RALGPS2: variants seen among roughly 807,000 people sequenced by gnomAD.
The protein encoded by RALGPS2 is ras-specific guanine nucleotide-releasing factor RalGPS2.
A neutral mutation model predicts 86.8 loss-of-function variants in RALGPS2; 43 were observed. That is an observed-to-expected ratio of 0.50 (90% CI 0.39 to 0.64). The LOEUF (loss-of-function observed/expected upper bound fraction) is 0.64. Among genes scored for constraint, RALGPS2 ranks in the 30% least tolerant of loss-of-function variants. The pLI is 0.00. For synonymous variants in RALGPS2, 243 were observed against 231.3 expected, an observed-to-expected ratio of 1.05 and a Z score of -0.46; for missense variants, 536 against 694.6, an observed-to-expected ratio of 0.77 and a Z score of 2.57.
rs114002451 is a variant in RALGPS2 at position 178,771,692 on chromosome 1, G to A, written c.-83-4990G>A. Among the ~76,000 whole-genome samples the A allele has an allele frequency of 3.7e-3, 559 of 152,130 alleles. 5 individuals are homozygous for A. Among genetic ancestry groups the A allele is most frequent in the African/African-American group, 0.012 (506 of 41,506 alleles). On this transcript the variant is annotated intron_variant, in intron 1 of 19. Coordinates refer to ENST00000367635, the MANE Select transcript of RALGPS2 (RefSeq NM_152663.5). The stretch of plus-strand genomic sequence containing the variant: ...AAAATATACAGGTAAGCTAAAGTTA[G>A]GGAAAAATTGTCATAAACCTAGCGA...
At chr1:178,730,771 G>A (rs1367122803) in intron 1 of RALGPS2, among the ~76,000 whole-genome samples, 2 of 150,308 alleles carry the variant, frequency 1.3e-5, no homozygotes, top group African/African-American at 2.5e-5. Flanking sequence ...GCGTGATCTC[G>A]GCTCACCACA....
At chr1:178,871,515 A>C (rs1658755235) in intron 8 of RALGPS2, among the ~76,000 whole-genome samples, 1 of 86,190 alleles carries the variant, frequency 1.2e-5, no homozygotes. Context: ...GAATTTGTAA[A>C]CATTTTACTA....
chr1:178,800,651 G>T (rs1654424966), intron 4 of RALGPS2, among the ~76,000 whole-genome samples: 1 of 152,180 alleles, frequency 6.6e-6, no homozygotes, highest in South Asian at 2.1e-4. Context: ...CTGGTCAGCA[G>T]TAGGCTATTA....
rs541420599 is a variant in RALGPS2 at position 178,808,869 on chromosome 1, AT to A, written c.297+743del. Among the ~76,000 whole-genome samples the A allele has an allele frequency of 5.9e-5, 9 of 152,264 alleles. No individual in the cohort carries two copies. In the South Asian group the frequency reaches 1.9e-3, roughly 32 times the overall value. ...TAACAAATTCTTCTTTTAAAATTAA[AT>A]TAATTTTTTCTTTTTTTAGAGACAG... On this transcript the variant is annotated intron_variant, in intron 5 of 19. Transcript: ENST00000367635.
At chr1:178,726,542 TA>T (rs199974693) in intron 1 of RALGPS2, among the ~76,000 whole-genome samples, 152 of 144,122 alleles carry the variant, frequency 1.1e-3, no homozygotes, top group Middle Eastern at 3.6e-3. Flanking sequence ...AAATTTCTGT[TA>T]AAAAAAAAAA....
chr1:178,833,307 GAAGAT>G (rs1452750452), intron 7 of RALGPS2, 112 bp from the exon 8 acceptor site: 1 of 964,268 alleles, frequency 1.0e-6, no homozygotes, highest in Admixed American at 4.3e-5. Context: ...TATAATTAAA[GAAGAT>G]ATAACTTTGA....
chr1:178,757,716 C>T (rs951748032), intron 1 of RALGPS2, among the ~76,000 whole-genome samples: 54 of 152,032 alleles, frequency 3.6e-4, no homozygotes, highest in African/African-American at 1.2e-3. Context: ...AAGATTTTTA[C>T]GTTTATGTTC....
intron 15 of RALGPS2, among the ~76,000 whole-genome samples, chr1:178,893,520 A>C (rs1659809286): frequency 1.3e-5 from 2 of 151,166 alleles, no homozygotes; most frequent in African/African-American, 4.9e-5. Context: ...TTTAACAAAT[A>C]GAATCCTCAT....
At chr1:178,729,875 T>A (rs143026788) in intron 1 of RALGPS2, among the ~76,000 whole-genome samples, 28 of 152,308 alleles carry the variant, frequency 1.8e-4, no homozygotes, top group South Asian at 4.1e-4. Context: ...CAACCATAGG[T>A]GTTTCTTCTA....
At chr1:178,869,460 T>A (rs1403946205) in intron 8 of RALGPS2, among the ~76,000 whole-genome samples, 1 of 152,138 alleles carries the variant, frequency 6.6e-6, no homozygotes, top group African/African-American at 2.4e-5. Flanking sequence ...AATAGTTATC[T>A]GTGTAATTTG....
chr1:178,744,796 C>T (rs560258591), intron 1 of RALGPS2, among the ~76,000 whole-genome samples: 48 of 130,814 alleles, frequency 3.7e-4, no homozygotes, highest in African/African-American at 1.2e-3. Flanking sequence ...CCAGCCTGGG[C>T]GACAGAGCGA....
chr1:178,815,081 T>TG (rs201185048), intron 6 of RALGPS2, among the ~76,000 whole-genome samples: 1 of 151,676 alleles, frequency 6.6e-6, no homozygotes, highest in African/African-American at 2.4e-5. Context: ...TTTGTTTGTT[T>TG]TTATTTATTT....
At chr1:178,840,070 C>A (rs1380802303) in intron 8 of RALGPS2, among the ~76,000 whole-genome samples, 1 of 152,172 alleles carries the variant, frequency 6.6e-6, no homozygotes, top group Non-Finnish European at 1.5e-5. Flanking sequence ...TAACACCCCA[C>A]TGTCAACATT....
intron 5 of RALGPS2, among the ~76,000 whole-genome samples, chr1:178,808,583 G>A (rs951712524): frequency 2.0e-5 from 3 of 151,958 alleles, no homozygotes; most frequent in African/African-American, 4.8e-5. Flanking sequence ...TCTTAAAGTG[G>A]TTTTTTCAAA....
intron 1 of RALGPS2, among the ~76,000 whole-genome samples, chr1:178,769,104 A>G (rs1652656469): frequency 2.0e-5 from 3 of 151,704 alleles, no homozygotes; most frequent in Admixed American, 2.0e-4. Context: ...TGTTCAGGCT[A>G]CCAATCCCAG....
intron 8 of RALGPS2, among the ~76,000 whole-genome samples, chr1:178,845,052 C>T (rs992183362): frequency 6.7e-6 from 1 of 149,902 alleles, no homozygotes; most frequent in Admixed American, 6.7e-5. Context: ...TGTGGTGGCA[C>T]ACGCCTGTAT....
intron 1 of RALGPS2, 148 bp from the exon 2 acceptor site, chr1:178,776,534 T>C: frequency 5.5e-6 from 2 of 364,082 alleles, no homozygotes; most frequent in Non-Finnish European, 9.9e-6. Flanking sequence ...TACAAGATTG[T>C]CCTCAGTTTG....
chr1:178,779,311 C>A (rs1427071022), intron 2 of RALGPS2, among the ~76,000 whole-genome samples: 1 of 152,102 alleles, frequency 6.6e-6, no homozygotes, highest in Non-Finnish European at 1.5e-5. Flanking sequence ...AGGGAACTTG[C>A]CTGCTTTCCT....
At chr1:178,905,634 G>A (rs1660359152) in intron 18 of RALGPS2, among the ~76,000 whole-genome samples, 2 of 152,096 alleles carry the variant, frequency 1.3e-5, no homozygotes, top group South Asian at 4.1e-4. Context: ...AGTTATTAAG[G>A]AAAGAATAGA....
Sources: gnomAD v4.1 joint callset for allele counts (sites outside exome capture counted in the v4.1 genomes callset) on GRCh38, gnomAD v4.1.1 for gene constraint, MANE v1.5 for transcripts, NCBI Gene and HGNC (gene_info 2026-07-23, HGNC 2026-07-21) for gene names.